The following ARFGEF2 variants were observed in gnomAD, a reference collection of about 807,000 sequenced individuals.
ARFGEF2 encodes the protein brefeldin A-inhibited guanine nucleotide-exchange protein 2.
A neutral mutation model predicts 219.9 loss-of-function variants in ARFGEF2; 74 were observed. The observed-to-expected ratio is 0.34, with a 90% CI of 0.28 to 0.41. ARFGEF2 has a LOEUF of 0.41. Ranked by LOEUF, ARFGEF2 falls within the 10% of genes least tolerant of loss-of-function variation. The probability of loss-of-function intolerance (pLI) is 1.00; values close to 1 mark genes in which losing one functional copy is unlikely to be tolerated. For missense variants in ARFGEF2, 1,743 were observed against 2,218.3 expected, an observed-to-expected ratio of 0.79 and a Z score of 4.30; for synonymous variants, 733 against 799.2, an observed-to-expected ratio of 0.92 and a Z score of 1.40.
intron 36 of ARFGEF2, 61 bp from the exon 37 acceptor site, chr20:49,028,469 T>C: frequency 2.0e-6 from 3 of 1,518,782 alleles, no homozygotes; most frequent in Non-Finnish European, 2.7e-6. Context: ...TTTCTAGTCA[T>C]ACACAGTTAT....
chr20:49,033,127 A>C lies in ARFGEF2; in HGVS notation c.5286A>C (p.Ile1762=). The change falls in exon 39 of 39, where the codon ATA becomes ATC. Residue 1762 remains isoleucine (I), a synonymous_variant. Coordinates refer to ENST00000371917, the MANE Select transcript of ARFGEF2 (RefSeq NM_006420.3). ...TTCTGCGGAAGTTCTTCCTACGGAT[A>C]GGTGTTGTGTATAAGATATGGATAC... ...RAVLRKFFLR[I]GVVYKIWIPE... The C allele has an allele frequency of 6.2e-7, 1 of 1,614,202 alleles. No homozygotes were observed. Among genetic ancestry groups the C allele is most frequent in the Non-Finnish European group, 8.5e-7 (1 of 1,180,028 alleles).
intron 4 of ARFGEF2, among the ~76,000 whole-genome samples, chr20:48,951,878 C>T (rs2091073096): frequency 6.6e-6 from 1 of 152,066 alleles, no homozygotes; most frequent in Non-Finnish European, 1.5e-5. Flanking sequence ...ATCTGCTTGT[C>T]TGAGAACAGG....
chr20:48,930,280 G>A (rs6019541), intron 1 of ARFGEF2, among the ~76,000 whole-genome samples: 46,823 of 152,018 alleles, frequency 0.31, 7,384 homozygotes, highest in East Asian at 0.47. Context: ...CAGAGCCCTC[G>A]TGACCTAATC....
At chr20:48,934,328 C>CT (rs906972743) in intron 1 of ARFGEF2, among the ~76,000 whole-genome samples, 3 of 151,868 alleles carry the variant, frequency 2.0e-5, no homozygotes, top group Admixed American at 2.0e-4. Flanking sequence ...CTTTTTCTCC[C>CT]TCCGTTTAAA....
At chr20:48,947,169 C>T (rs1466222760) in intron 3 of ARFGEF2, among the ~76,000 whole-genome samples, 4 of 151,552 alleles carry the variant, frequency 2.6e-5, no homozygotes, top group Admixed American at 1.3e-4. Context: ...GAGGCCGAGA[C>T]GGGCAGATTG....
chr20:49,005,737 CA>C (rs56730863), intron 26 of ARFGEF2, among the ~76,000 whole-genome samples: 6,615 of 62,262 alleles, frequency 0.11, 250 homozygotes, highest in African/African-American at 0.27. Context: ...GACTCCGTCT[CA>C]AAAAAAAAAA....
chr20:48,998,277 T>C (rs1447705510), intron 24 of ARFGEF2, 44 bp downstream of exon 24: 26 of 1,614,206 alleles, frequency 1.6e-5, no homozygotes, highest in Non-Finnish European at 2.1e-5. Flanking sequence ...AGCCTCACGC[T>C]GTGACCGTCT....
chr20:49,002,933 A>G (rs1600534867), intron 25 of ARFGEF2, among the ~76,000 whole-genome samples: 1 of 148,732 alleles, frequency 6.7e-6, no homozygotes, highest in Admixed American at 6.7e-5. Context: ...GGCGTGAGCC[A>G]CCACGCTTGG....
At chr20:48,940,237 A>G (rs892939845) in intron 1 of ARFGEF2, among the ~76,000 whole-genome samples, 2 of 152,260 alleles carry the variant, frequency 1.3e-5, no homozygotes, top group African/African-American at 4.8e-5. Flanking sequence ...TTTAATTCAA[A>G]AAAGTCACAC....
At chr20:48,922,143 C>G in intron 1 of ARFGEF2, 133 bp downstream of exon 1, 1 of 1,364,258 alleles carries the variant, frequency 7.3e-7, no homozygotes, top group Non-Finnish European at 9.8e-7. Flanking sequence ...CCGGCCTCCT[C>G]CTCATTATAC....
chr20:49,031,220 C>CT (rs869105434), intron 37 of ARFGEF2, among the ~76,000 whole-genome samples: 2,023 of 59,418 alleles, frequency 0.034, 338 homozygotes, highest in Non-Finnish European at 0.041. Flanking sequence ...TGAGTTTGGA[C>CT]TTTTTTTTTT....
intron 35 of ARFGEF2, 33 bp from the exon 36 acceptor site, chr20:49,025,276 CTTCA>C: frequency 1.9e-6 from 3 of 1,586,434 alleles, no homozygotes; most frequent in Non-Finnish European, 2.6e-6. Context: ...ATTCCATCTT[CTTCA>C]TTAGCTCTTC....
intron 1 of ARFGEF2, among the ~76,000 whole-genome samples, chr20:48,926,627 T>C (rs2090878658): frequency 6.6e-6 from 1 of 152,092 alleles, no homozygotes; most frequent in Non-Finnish European, 1.5e-5. Flanking sequence ...CTGGCTAATT[T>C]TTCTGTTTTT....
At chr20:49,020,384 G>A (rs1437372878) in intron 34 of ARFGEF2, among the ~76,000 whole-genome samples, 1 of 152,216 alleles carries the variant, frequency 6.6e-6, no homozygotes, top group African/African-American at 2.4e-5. Flanking sequence ...CTGGCATGCT[G>A]TCTTTCACTA....
chr20:48,936,698 T>A (rs963724451), intron 1 of ARFGEF2, among the ~76,000 whole-genome samples: 3 of 152,140 alleles, frequency 2.0e-5, no homozygotes, highest in African/African-American at 7.2e-5. Context: ...CTAATTTTTT[T>A]ATATTTTTAG....
intron 21 of ARFGEF2, among the ~76,000 whole-genome samples, chr20:48,992,566 A>T (rs1375701042): frequency 1.3e-5 from 2 of 152,166 alleles, no homozygotes; most frequent in African/African-American, 4.8e-5. Flanking sequence ...ACCGAGTCCC[A>T]CCTTCTTCAT....
At position 49,013,833 on chromosome 20, in the gene ARFGEF2, G is replaced by T; in HGVS notation, c.4052G>T (p.Gly1351Val). 6.2e-7 allele frequency: 1 copy of T among 1,614,004 alleles called. No individual in the cohort carries two copies. Among genetic ancestry groups the T allele is most frequent in the South Asian group, 1.1e-5 (1 of 91,042 alleles). ...GTGCCTGACTTTGTTTCCTCCAGGG[G>T]ACTCACAGTCATGTTTGAGATCATG... ...NRCKLDVRTR[G>V]LTVMFEIMKS... The change falls in exon 30 of 39, where the codon GGA becomes GTA. Residue 1351 changes from glycine to valine, a missense_variant and splice_region_variant. Gly to Val is a moderately radical substitution (Grantham distance 109, BLOSUM62 -3). Around this residue, in one of 5 missense-constraint regions of ARFGEF2, gnomAD observed 578 missense variants for 664.0 expected, o/e 0.87. Transcript: ENST00000371917.
intron 7 of ARFGEF2, among the ~76,000 whole-genome samples, chr20:48,964,779 A>G (rs1176543566): frequency 6.6e-6 from 1 of 152,232 alleles, no homozygotes; most frequent in Non-Finnish European, 1.5e-5. Context: ...CTTTGTTCCA[A>G]TGCCAGTAAA....
intron 23 of ARFGEF2, among the ~76,000 whole-genome samples, chr20:48,996,953 C>T (rs1387118024): frequency 6.6e-6 from 1 of 152,106 alleles, no homozygotes; most frequent in Non-Finnish European, 1.5e-5. Flanking sequence ...ATTCCTTAGT[C>T]ACTGTAACCA....
Sources: allele counts gnomAD v4.1 joint callset (sites outside exome capture counted in the v4.1 genomes callset), GRCh38; gene constraint gnomAD v4.1.1; regional missense constraint gnomAD v4.1.1; transcripts MANE v1.5; gene names NCBI Gene and HGNC (gene_info 2026-07-23, HGNC 2026-07-21).